AFF1: variants seen among roughly 807,000 people sequenced by gnomAD.
AFF1 encodes AF4/FMR2 family member 1.
A neutral mutation model predicts 121.7 loss-of-function variants in AFF1; 48 were observed. The observed-to-expected ratio is 0.39, with a 90% CI of 0.31 to 0.50. The LOEUF (loss-of-function observed/expected upper bound fraction) is 0.50, where lower values mean the gene tolerates loss of function less well. AFF1 is among the 20% of genes least tolerant of loss of function. AFF1 has a pLI of 0.76. For synonymous variants in AFF1, 613 were observed against 563.0 expected, an observed-to-expected ratio of 1.09 and a Z score of -1.26; for missense variants, 1,523 against 1,511.7, an observed-to-expected ratio of 1.01 and a Z score of -0.12.
Position 86,980,947 on chromosome 4 carries a change from A to ACCCCC in AFF1, c.38+32381_38+32385dup, listed in dbSNP as rs57473395. Among the ~76,000 whole-genome samples the ACCCCC allele has an allele frequency of 1.3e-3, 138 of 102,390 alleles. 5 individuals carry two copies. The highest frequency in any genetic ancestry group is 2.2e-3 in the Admixed American group (19 of 8,684). The allele number at this position is 102,390 out of a possible 152,430, so 67.2% of individuals were successfully genotyped here. A position where few individuals can be genotyped will look rare whatever the true frequency, so the allele number is the denominator to read the frequency against. ...CCCAGCACTTTGCGAGGCTTGAGGCACCCCCCCCCTCCACCAAAAAAAAGG... is the reference window on the plus strand; with the variant it reads ...CCCAGCACTTTGCGAGGCTTGAGGCACCCCCCCCCCCCCCTCCACCAAAAAAAAGG... On this transcript the variant is annotated intron_variant, in intron 2 of 20. Transcript: ENST00000395146.
intron 1 of AFF1, among the ~76,000 whole-genome samples, chr4:86,940,473 C>G (rs1021158279): frequency 6.6e-6 from 1 of 152,164 alleles, no homozygotes; most frequent in Non-Finnish European, 1.5e-5. Flanking sequence ...GCAATCTTGT[C>G]TCACTGCAAC....
intron 2 of AFF1, chr4:87,007,273 T>C (rs1726237525): frequency 6.5e-7 from 1 of 1,547,558 alleles, no homozygotes; most frequent in Non-Finnish European, 8.6e-7. Flanking sequence ...GAGCAGGTAG[T>C]CCCGTAACAT....
chr4:87,058,020 C>T (rs1044590986), intron 4 of AFF1, among the ~76,000 whole-genome samples: 1 of 152,164 alleles, frequency 6.6e-6, no homozygotes, highest in Non-Finnish European at 1.5e-5. Context: ...AAAATGTACG[C>T]ACTCTAAAAT....
Position 87,049,597 on chromosome 4 carries a change from G to T in AFF1, c.1059+2003G>T. ...ATGGGGTTTTTTTTTTGGCACCAGT[G>T]CATCTGCTGTCAACAATGGAGTAGA... On this transcript the variant is annotated intron_variant, in intron 4 of 20. Coordinates refer to ENST00000395146, the MANE Select transcript of AFF1 (RefSeq NM_001166693.3). 9.0e-6 allele frequency: 4 copies of T among 442,338 alleles called. No homozygotes were observed. The Admixed American group carries it at 9.8e-5, about 11-fold the overall frequency. 27.4% of individuals were successfully genotyped at this position (442,338 alleles called of 1,614,324 possible).
intron 4 of AFF1, chr4:87,048,101 GAC>G (rs1008065160): frequency 5.7e-5 from 9 of 158,472 alleles, no homozygotes; most frequent in African/African-American, 2.2e-4. Context: ...AAAACAAGAT[GAC>G]AGAGTCTCTT....
At chr4:86,988,220 A>G (rs931104114) in intron 2 of AFF1, among the ~76,000 whole-genome samples, 3 of 152,134 alleles carry the variant, frequency 2.0e-5, no homozygotes, top group Non-Finnish European at 4.4e-5. Context: ...TTTGAGATAT[A>G]TAATAAGTTA....
chr4:87,003,630 A>C (rs1240620540), intron 2 of AFF1, among the ~76,000 whole-genome samples: 1 of 152,202 alleles, frequency 6.6e-6, no homozygotes, highest in Non-Finnish European at 1.5e-5. Flanking sequence ...TCAATGTTAC[A>C]TTTCTAGCCT....
intron 17 of AFF1, among the ~76,000 whole-genome samples, chr4:87,131,545 G>A (rs1180338093): frequency 2.0e-5 from 3 of 152,144 alleles, no homozygotes; most frequent in Non-Finnish European, 2.9e-5. Flanking sequence ...ATTTCAACAG[G>A]GGACTCAGTA....
At chr4:87,011,078 C>T (rs1333524349) in intron 2 of AFF1, among the ~76,000 whole-genome samples, 1 of 70,778 alleles carries the variant, frequency 1.4e-5, no homozygotes, top group Non-Finnish European at 3.0e-5. Context: ...GACTCCGTCT[C>T]AAAAAAAAAA....
chr4:86,959,020 A>G (rs959909165), intron 2 of AFF1, among the ~76,000 whole-genome samples: 20 of 152,248 alleles, frequency 1.3e-4, no homozygotes, highest in South Asian at 6.2e-4. Context: ...GTCTAGAGAG[A>G]TTTTTAGTCA....
chr4:87,064,303 G>T (rs919655426), intron 4 of AFF1, among the ~76,000 whole-genome samples: 1 of 152,186 alleles, frequency 6.6e-6, no homozygotes, highest in Non-Finnish European at 1.5e-5. Flanking sequence ...ATCTCTGAAG[G>T]TTCCTGAATC....
intron 2 of AFF1, among the ~76,000 whole-genome samples, chr4:86,971,311 T>A (rs1722930216): frequency 6.6e-6 from 1 of 152,216 alleles, no homozygotes; most frequent in Non-Finnish European, 1.5e-5. Flanking sequence ...TAACATGTTA[T>A]TTTTAATAGC....
chr4:86,973,803 TCCTTTC>T (rs1046773207), intron 2 of AFF1: 2 of 152,226 alleles, frequency 1.3e-5, no homozygotes, highest in African/African-American at 4.8e-5. Context: ...CTTTCCCTTT[TCCTTTC>T]CCTTTTCCTT....
chr4:87,040,760 A>G (rs182943595), intron 2 of AFF1, among the ~76,000 whole-genome samples: 4 of 150,260 alleles, frequency 2.7e-5, no homozygotes, highest in Admixed American at 1.3e-4. Context: ...TAGTAGAGAC[A>G]TAGGGTTTCA....
chr4:86,960,234 C>T (rs1175695871), intron 2 of AFF1, among the ~76,000 whole-genome samples: 1 of 152,074 alleles, frequency 6.6e-6, no homozygotes, highest in Non-Finnish European at 1.5e-5. Flanking sequence ...CCGCTGTTAC[C>T]CAGGATTTAC....
At chr4:86,983,730 A>C (rs1055727958) in intron 2 of AFF1, among the ~76,000 whole-genome samples, 15 of 148,692 alleles carry the variant, frequency 1.0e-4, no homozygotes, top group South Asian at 2.1e-4. Context: ...CAAAAAAAAA[A>C]ACAAAAAACA....
intron 2 of AFF1, among the ~76,000 whole-genome samples, chr4:86,983,686 G>A (rs977122119): frequency 1.3e-5 from 2 of 151,580 alleles, no homozygotes; most frequent in African/African-American, 4.9e-5. Context: ...TCTAGCCTGG[G>A]TGACAGAGCA....
chr4:87,081,151 A>AATTT (rs1723126142), intron 4 of AFF1, among the ~76,000 whole-genome samples: 3 of 101,666 alleles, frequency 3.0e-5, no homozygotes, highest in African/African-American at 1.2e-4. Flanking sequence ...TAATGAAATG[A>AATTT]ATTTTTTTTT....
At chr4:87,010,791 T>C (rs927238165) in intron 2 of AFF1, among the ~76,000 whole-genome samples, 3 of 152,052 alleles carry the variant, frequency 2.0e-5, no homozygotes, top group Admixed American at 2.0e-4. Context: ...TTAGCCAGTT[T>C]AAAAAAATCA....
Sources: allele counts gnomAD v4.1 joint callset (sites outside exome capture counted in the v4.1 genomes callset), GRCh38; gene constraint gnomAD v4.1.1; transcripts MANE v1.5; gene names NCBI Gene and HGNC (gene_info 2026-07-23, HGNC 2026-07-21).